SEC14L5: variants seen among roughly 807,000 people sequenced by gnomAD.
SEC14L5 encodes SEC14-like protein 5.
Under a neutral mutation model 84.6 loss-of-function variants are expected in SEC14L5, and 96 were observed. The observed-to-expected ratio is 1.13, with a 90% CI of 0.96 to 1.34. The LOEUF is 1.34. SEC14L5 is among the 40% of genes most tolerant of loss of function. The pLI is 0.00. For missense variants in SEC14L5, 1,224 were observed against 942.5 expected, an observed-to-expected ratio of 1.30 and a Z score of -3.91; for synonymous variants, 546 against 383.4, an observed-to-expected ratio of 1.42 and a Z score of -4.95.
In SEC14L5 at chr16:5,003,539, G is replaced by C. The variant is rs774088331; in HGVS notation, c.1268G>C (p.Arg423Pro). The change falls in exon 11 of 16, where the codon CGA becomes CCA. Residue 423 changes from arginine (R) to proline (P), a missense_variant. By Grantham distance (103) the Arg-to-Pro change is moderately radical. Transcript: ENST00000251170. ...PETLGRLLIV[R>P]APRVFPVLWT... ...ACCCTGGGTCGGCTGCTCATCGTGC[G>C]AGCCCCCCGAGTCTTCCCCGTGCTC... 7.3e-7 allele frequency: 1 copy of C among 1,361,296 alleles called. No individual in the cohort carries two copies. The highest frequency in any genetic ancestry group is 1.9e-5 in the Admixed American group (1 of 51,650). The allele number at this position is 1,361,296 out of a possible 1,614,324, so 84.3% of individuals were successfully genotyped here. A position where few individuals can be genotyped will look rare whatever the true frequency, so the allele number is the denominator to read the frequency against.
At chr16:5,001,874 G>C (rs1955681877) in intron 10 of SEC14L5, among the ~76,000 whole-genome samples, 1 of 151,920 alleles carries the variant, frequency 6.6e-6, no homozygotes, top group Non-Finnish European at 1.5e-5. Context: ...CTGGGCTCAA[G>C]CAGTCCTCCC....
chr16:4,984,971 A>G (rs138685455), intron 2 of SEC14L5, among the ~76,000 whole-genome samples: 1 of 152,304 alleles, frequency 6.6e-6, no homozygotes, highest in Non-Finnish European at 1.5e-5. Flanking sequence ...ACACATATGT[A>G]TGTATGTATA....
rs377037742 is a variant in SEC14L5, at chr16:5,011,103, T to C, written c.1809T>C (p.His603=). The change falls in exon 15 of 16, where the codon CAT becomes CAC. Residue 603 remains histidine (H), a synonymous_variant. Transcript: ENST00000251170. The part of the protein sequence containing the change: ...CREGESIQGS[H]VTRWPGVYLL... ...GGGCTGATGTGTTTCAGGGCTCCCATGTGACCCGGTGGCCCGGCGTCTACC... is the reference window on the plus strand; with the variant it reads ...GGGCTGATGTGTTTCAGGGCTCCCACGTGACCCGGTGGCCCGGCGTCTACC... 5 of 1,600,880 alleles carry C rather than the reference T, an allele frequency of 3.1e-6. No homozygotes were observed. Among genetic ancestry groups the C allele is most frequent in the African/African-American group, 1.3e-5 (1 of 74,582 alleles).
intron 6 of SEC14L5, 150 bp from the exon 7 acceptor site, chr16:4,996,198 C>G (rs551160745): frequency 6.9e-6 from 4 of 580,290 alleles, no homozygotes; most frequent in Non-Finnish European, 1.3e-5. Context: ...ATTCAGAGTC[C>G]GGTGGCTGCT....
intron 10 of SEC14L5, among the ~76,000 whole-genome samples, chr16:5,002,314 T>TG (rs1955685851): frequency 6.6e-6 from 1 of 151,360 alleles, no homozygotes; most frequent in Admixed American, 6.6e-5. Flanking sequence ...TTTTTTTTTT[T>TG]TTGACAGAGT....
chr16:4,993,593 C>G (rs930113306), intron 6 of SEC14L5, among the ~76,000 whole-genome samples: 2 of 152,186 alleles, frequency 1.3e-5, no homozygotes, highest in African/African-American at 4.8e-5. Flanking sequence ...GGAAACAACC[C>G]TATTTAGGTC....
rs1596651312 is a variant in SEC14L5 at position 5,017,198 on chromosome 16, C to G, written c.*2228C>G. 1 of 151,972 alleles carries G rather than the reference C, an allele frequency of 6.6e-6. No individual in the cohort carries two copies. 9.4% of individuals were successfully genotyped at this position (151,972 alleles called of 1,614,324 possible). On this transcript the variant is annotated 3_prime_UTR_variant, in exon 16 of 16. Coordinates refer to ENST00000251170, the MANE Select transcript of SEC14L5 (RefSeq NM_014692.2). ...CAGAGGCGGGTGGGGGGAGGGGAGTCTGCTATCAGCTGTCCACCCTTAACA... is the reference window on the plus strand; with the variant it reads ...CAGAGGCGGGTGGGGGGAGGGGAGTGTGCTATCAGCTGTCCACCCTTAACA...
chr16:5,017,855 T>G lies in SEC14L5; in HGVS notation c.*2885T>G, dbSNP rs541403371. ...ATTAAAAATAATCCAAGGAAGGGAT[T>G]GCCAAGCTTTTGGCTTTTGAATTTC... On this transcript the variant is annotated 3_prime_UTR_variant, in exon 16 of 16. Coordinates refer to ENST00000251170, the MANE Select transcript of SEC14L5 (RefSeq NM_014692.2). 1.3e-5 allele frequency: 2 copies of G among 152,366 alleles called. No homozygotes were observed. The highest frequency in any genetic ancestry group is 2.1e-4 in the South Asian group (1 of 4,830). 9.4% of individuals were successfully genotyped at this position (152,366 alleles called of 1,614,324 possible). A position where few individuals can be genotyped will look rare whatever the true frequency, so the allele number is the denominator to read the frequency against.
Position 4,959,395 on chromosome 16 carries a change from C to G in SEC14L5, c.63+9C>G, listed in dbSNP as rs1443723828. ...TTGAGCTGGTCATGGCGGTGAGTGA[C>G]TCCTGATTCTTGGGCCCCCATGTGA... On this transcript the variant is annotated intron_variant, in intron 2 of 15. Coordinates refer to ENST00000251170, the MANE Select transcript of SEC14L5 (RefSeq NM_014692.2). 6.2e-7 allele frequency: 1 copy of G among 1,612,880 alleles called. No homozygotes were observed. The highest frequency in any genetic ancestry group is 1.7e-5 in the Admixed American group (1 of 60,018).
chr16:4,965,626 A>C (rs1169284264), intron 2 of SEC14L5, among the ~76,000 whole-genome samples: 1 of 121,982 alleles, frequency 8.2e-6, no homozygotes, highest in African/African-American at 3.1e-5. Flanking sequence ...GCACCACTGC[A>C]CTCCAGCCTG....
At chr16:4,968,336 C>T (rs540571698) in intron 2 of SEC14L5, among the ~76,000 whole-genome samples, 26 of 152,170 alleles carry the variant, frequency 1.7e-4, no homozygotes, top group South Asian at 6.2e-4. Flanking sequence ...TGCACCACCA[C>T]GCCAGGCTAA....
At chr16:4,966,621 C>G (rs1955204017) in intron 2 of SEC14L5, among the ~76,000 whole-genome samples, 1 of 152,136 alleles carries the variant, frequency 6.6e-6, no homozygotes, top group African/African-American at 2.4e-5. Context: ...TCATAGCCAC[C>G]CCATGAGATG....
chr16:4,994,361 TTTTC>T (rs1487625056), intron 6 of SEC14L5, among the ~76,000 whole-genome samples: 2 of 152,076 alleles, frequency 1.3e-5, no homozygotes, highest in African/African-American at 4.8e-5. Context: ...GTATTATTCT[TTTTC>T]TTTTTTTTTT....
chr16:4,964,849 C>G (rs2007663), intron 2 of SEC14L5, among the ~76,000 whole-genome samples: 88,765 of 151,804 alleles, frequency 0.58, 27,084 homozygotes, highest in East Asian at 0.79. Flanking sequence ...TCCTGTCTCA[C>G]CCTCCTGAGT....
At chr16:5,009,131 C>G in intron 14 of SEC14L5, among the ~76,000 whole-genome samples, 1 of 152,196 alleles carries the variant, frequency 6.6e-6, no homozygotes, top group East Asian at 1.9e-4. Flanking sequence ...ATGCCTCTGT[C>G]CTAGCCTTAG....
chr16:4,977,856 A>G (rs1228817752), intron 2 of SEC14L5, among the ~76,000 whole-genome samples: 2 of 151,596 alleles, frequency 1.3e-5, no homozygotes, highest in African/African-American at 2.4e-5. Context: ...GCTGGAGTAC[A>G]GTGGCATGAT....
chr16:4,969,133 C>T (rs974644249), intron 2 of SEC14L5, among the ~76,000 whole-genome samples: 4 of 152,256 alleles, frequency 2.6e-5, no homozygotes, highest in Non-Finnish European at 5.9e-5. Flanking sequence ...TTGAATGCTG[C>T]TCTGATTTGC....
chr16:4,979,136 T>C (rs1955388154), intron 2 of SEC14L5, among the ~76,000 whole-genome samples: 2 of 152,100 alleles, frequency 1.3e-5, no homozygotes, highest in African/African-American at 4.8e-5. Flanking sequence ...CATTTTCAAA[T>C]GCATGGGGAC....
chr16:4,967,112 G>A (rs1359099682), intron 2 of SEC14L5, among the ~76,000 whole-genome samples: 1 of 152,194 alleles, frequency 6.6e-6, no homozygotes, highest in African/African-American at 2.4e-5. Context: ...CAAACCGGGT[G>A]ACTTAGAACA....
Sources: gnomAD v4.1 joint callset for allele counts (sites outside exome capture counted in the v4.1 genomes callset) on GRCh38, gnomAD v4.1.1 for gene constraint, MANE v1.5 for transcripts, NCBI Gene and HGNC (gene_info 2026-07-23, HGNC 2026-07-21) for gene names.